Variants in SBF2 observed in about 807,000 individuals in gnomAD.
SBF2 encodes SET binding factor 2, also known as myotubularin-related protein 13.
SBF2 carries 112 observed loss-of-function variants against 225.2 expected under a neutral mutation model. The ratio of observed to expected loss-of-function variants is 0.50; its 90% confidence interval spans 0.43 to 0.58. SBF2 has a LOEUF of 0.58. Ranked by LOEUF, SBF2 falls within the 20% of genes least tolerant of loss-of-function variation. SBF2 has a pLI of 0.00. For missense variants in SBF2, 1,996 were observed against 2,206.2 expected (o/e 0.90, Z 1.91); for synonymous variants, 763 against 773.3 (o/e 0.99, Z 0.22).
chr11:10,173,458 T>TA (rs1452861021), intron 2 of SBF2, among the ~76,000 whole-genome samples: 6 of 152,210 alleles, frequency 3.9e-5, no homozygotes, highest in African/African-American at 1.4e-4. Context: ...CCGACAGGCT[T>TA]AAAAAACGCC....
intron 38 of SBF2, 115 bp downstream of exon 38, chr11:9,784,236 C>T: frequency 2.5e-6 from 2 of 798,324 alleles, no homozygotes; most frequent in Non-Finnish European, 4.4e-6. Context: ...ATATGAGAGG[C>T]ACTAAAAAAG....
Position 9,816,972 on chromosome 11 carries a change from G to A in SBF2, c.3846C>T (p.Ser1282=). 2 of 1,614,162 alleles carry A rather than the reference G, an allele frequency of 1.2e-6. No homozygotes were observed. The highest frequency in any genetic ancestry group is 1.7e-6 in the Non-Finnish European group (2 of 1,180,018). ...SSTRLISSPT[S]FIDVGARLAG... is the part of the protein sequence containing the mutation. ...CCAGCCGGGCGCCAACATCAATGAA[G>A]GATGTTGGAGAGCTGATCAAGCGAG... is the stretch of plus-strand genomic sequence containing the variant. The change falls in exon 29 of 40, where the codon TCC becomes TCT. Residue 1282 remains serine (S), a synonymous_variant. Coordinates refer to ENST00000256190, the MANE Select transcript of SBF2 (RefSeq NM_030962.4).
chr11:10,034,002 G>GT (rs1949352774), intron 3 of SBF2, among the ~76,000 whole-genome samples: 1 of 152,034 alleles, frequency 6.6e-6, no homozygotes, highest in Admixed American at 6.6e-5. Context: ...TACTACAAAA[G>GT]TTTCACATAT....
chr11:10,232,401 C>T (rs192569542), intron 1 of SBF2, among the ~76,000 whole-genome samples: 14 of 152,304 alleles, frequency 9.2e-5, no homozygotes, highest in Middle Eastern at 3.4e-3. Context: ...GCGTCGCTCA[C>T]GCTGGGAGCT....
intron 2 of SBF2, among the ~76,000 whole-genome samples, chr11:10,051,028 G>A (rs907072676): frequency 9.2e-5 from 14 of 152,062 alleles, no homozygotes; most frequent in Non-Finnish European, 1.9e-4. Flanking sequence ...CTATTAATGT[G>A]CCCATTTTTC....
At chr11:10,262,317 G>A (rs111803218) in intron 1 of SBF2, among the ~76,000 whole-genome samples, 120 of 152,202 alleles carry the variant, frequency 7.9e-4, no homozygotes, top group African/African-American at 2.8e-3. Context: ...ACAGGCGTTT[G>A]GTATAAATTC....
intron 16 of SBF2, among the ~76,000 whole-genome samples, chr11:9,933,581 G>C (rs1864661788): frequency 6.6e-6 from 1 of 152,090 alleles, no homozygotes; most frequent in Admixed American, 6.6e-5. Flanking sequence ...ACGAAATGAA[G>C]GCAGAAATAA....
At chr11:10,206,642 G>A (rs771935156) in intron 1 of SBF2, among the ~76,000 whole-genome samples, 10 of 151,926 alleles carry the variant, frequency 6.6e-5, no homozygotes, top group Admixed American at 2.0e-4. Context: ...TATCAGCACA[G>A]AAATACGTTA....
chr11:10,264,566 T>C (rs1961761056), intron 1 of SBF2, among the ~76,000 whole-genome samples: 1 of 152,108 alleles, frequency 6.6e-6, no homozygotes, highest in Non-Finnish European at 1.5e-5. Context: ...ACTTTATTTA[T>C]TTTTTTATTT....
rs947400783 is a variant in SBF2, at chr11:10,130,130, A to C, written c.141+63772T>G. Reference sequence around the variant, plus strand: ...GTAATACCAGCACTTTGGGAGGCCGAGGTGGGCAGATCACGAGGTCAGGAG... The same window carrying C: ...GTAATACCAGCACTTTGGGAGGCCGCGGTGGGCAGATCACGAGGTCAGGAG... On this transcript the variant is annotated intron_variant, in intron 2 of 39. Transcript: ENST00000256190. 5.9e-5 allele frequency among the ~76,000 whole-genome samples: 9 copies of C among 152,328 alleles called. No homozygotes were observed. The East Asian group carries it at 1.7e-3, about 29-fold the overall frequency.
chr11:10,304,511 G>A (rs896692366), exon 1 of SBF2, among the ~76,000 whole-genome samples: 1 of 152,150 alleles, frequency 6.6e-6, no homozygotes, highest in African/African-American at 2.4e-5. Context: ...CCGAAACGCC[G>A]GGGTCTTGGT....
chr11:10,156,869 T>C (rs1434359907), intron 2 of SBF2, among the ~76,000 whole-genome samples: 1 of 152,222 alleles, frequency 6.6e-6, no homozygotes, highest in African/African-American at 2.4e-5. Context: ...TTCAATGCTA[T>C]GCCTATTAAA....
At chr11:9,817,439 C>A (rs182076039) in intron 28 of SBF2, among the ~76,000 whole-genome samples, 1 of 152,090 alleles carries the variant, frequency 6.6e-6, no homozygotes, top group Non-Finnish European at 1.5e-5. Flanking sequence ...AAGGAACATT[C>A]TTCTGCTTAT....
intron 16 of SBF2, among the ~76,000 whole-genome samples, chr11:9,912,106 G>A (rs1028211291): frequency 6.6e-6 from 1 of 151,656 alleles, no homozygotes; most frequent in Non-Finnish European, 1.5e-5. Flanking sequence ...CACAAGGTTA[G>A]GAGTTCAAGA....
At chr11:10,245,116 G>A (rs201181420) in intron 1 of SBF2, among the ~76,000 whole-genome samples, 3 of 137,398 alleles carry the variant, frequency 2.2e-5, no homozygotes, top group East Asian at 2.1e-4. Flanking sequence ...CATGGGCAAC[G>A]GAGTGAGACC....
At chr11:10,138,198 T>G (rs1189233253) in intron 2 of SBF2, among the ~76,000 whole-genome samples, 1 of 152,180 alleles carries the variant, frequency 6.6e-6, no homozygotes, top group Admixed American at 6.5e-5. Context: ...TATTTTATAT[T>G]GGGTGAGTTG....
intron 17 of SBF2, among the ~76,000 whole-genome samples, chr11:9,872,780 T>C (rs1036968062): frequency 2.6e-5 from 4 of 151,936 alleles, no homozygotes; most frequent in Non-Finnish European, 4.4e-5. Context: ...CTTTGGGAGG[T>C]TGAGGCAAGT....
At chr11:10,179,257 G>A (rs60077621) in intron 2 of SBF2, among the ~76,000 whole-genome samples, 13,656 of 150,476 alleles carry the variant, frequency 0.091, 848 homozygotes, top group East Asian at 0.27. Flanking sequence ...TGAGGAGTTA[G>A]TGGGTGCAGC....
chr11:9,884,240 T>C (rs1180776228), intron 17 of SBF2, among the ~76,000 whole-genome samples: 1 of 152,214 alleles, frequency 6.6e-6, no homozygotes, highest in Non-Finnish European at 1.5e-5. Flanking sequence ...TTGTATTGAA[T>C]ACTGGATCAT....
Sources: allele counts gnomAD v4.1 joint callset (sites outside exome capture counted in the v4.1 genomes callset), GRCh38; gene constraint gnomAD v4.1.1; transcripts MANE v1.5; gene names NCBI Gene and HGNC (gene_info 2026-07-23, HGNC 2026-07-21).